CDK11A: variants seen among roughly 807,000 people sequenced by gnomAD.
CDK11A encodes the protein cyclin dependent kinase 11A, also known as cyclin-dependent kinase 11A.
Under a neutral mutation model 83.6 loss-of-function variants are expected in CDK11A, and 55 were observed. That is an observed-to-expected ratio of 0.66 (90% CI 0.53 to 0.82). CDK11A has a LOEUF of 0.82. Ranked by LOEUF, CDK11A falls within the 40% of genes least tolerant of loss-of-function variation. The pLI is 0.00. For synonymous variants in CDK11A, 247 were observed against 302.7 expected (o/e 0.82, Z 1.91); for missense variants, 564 against 810.1 (o/e 0.70, Z 3.69).
Position 1,721,122 on chromosome 1 carries a change from G to C in CDK11A, c.227+474C>G, listed in dbSNP as rs1644888737. ...GCAGGAGAATGGTGTGAACCAGGGA[G>C]GCGGAGCTTGCAGTGAGCCGAGATG... On this transcript the variant is annotated intron_variant, in intron 3 of 19. Transcript: ENST00000404249. Among the ~76,000 whole-genome samples, 4 of 150,600 alleles carry C rather than the reference G, an allele frequency of 2.7e-5. No homozygotes were observed. In the South Asian group the frequency reaches 8.4e-4, roughly 32 times the overall value.
In CDK11A at chr1:1,722,745, T is replaced by G; in HGVS notation, c.74A>C (p.Glu25Ala). Residue 25 changes from glutamate to alanine, a missense_variant, in exon 2 of 20, where the codon GAA becomes GCA. Physicochemically the swap from Glu to Ala is moderately radical, Grantham distance 107. Transcript: ENST00000404249. ...TTTTATCTCTGCTTTCTCCTCTTGT[T>G]CCTTCCTTCGTTTCTTTTCCTGAAG... ...EILQEKKRRK[E>A]QEEKAEIKRL... 1 of 1,513,052 alleles carries G rather than the reference T, an allele frequency of 6.6e-7. No homozygotes were observed. The highest frequency in any genetic ancestry group is 8.9e-7 in the Non-Finnish European group (1 of 1,128,818). The allele number at this position is 1,513,052 out of a possible 1,614,324, so 93.7% of individuals were successfully genotyped here.
chr1:1,703,905 G>C lies in CDK11A; in HGVS notation c.1830C>G (p.Gly610=). The C allele has an allele frequency of 1.2e-6, 2 of 1,609,668 alleles. No individual in the cohort carries two copies. Among genetic ancestry groups the C allele is most frequent in the Non-Finnish European group, 1.7e-6 (2 of 1,176,942 alleles). ...YSTAVDMWSV[G]CIFGELLTQK... is the part of the protein sequence containing the mutation. The stretch of plus-strand genomic sequence containing the variant: ...GAGTCAGCAGCTCCCCGAAGATGCA[G>C]CCCACTGACCACATGTCCACGGCCG... Residue 610 remains glycine, a synonymous_variant, in exon 17 of 20, where the codon GGC becomes GGG. Coordinates refer to ENST00000404249, the MANE Select transcript of CDK11A (RefSeq NM_024011.4).
At position 1,716,477 on chromosome 1, in the gene CDK11A, C is replaced by T. The variant is rs746108190; in HGVS notation, c.357G>A (p.Gly119=). 23 of 1,607,596 alleles carry T rather than the reference C, an allele frequency of 1.4e-5. 1 individual carries two copies. In the African/African-American group the frequency reaches 2.6e-4, roughly 18 times the overall value. Residue 119 remains glycine (G), a splice_region_variant and synonymous_variant, in exon 5 of 20, where the codon GGG becomes GGA. Coordinates refer to ENST00000404249, the MANE Select transcript of CDK11A (RefSeq NM_024011.4). ...CTCTTTCTTTCACTCTAGCATGCTT[C>T]CCTAATGAGAAATAAAGTGTCATGC... ...CRHHSHSAEG[G]KHARVKEREH...
At chr1:1,708,752 A>G (rs1644418400) in intron 9 of CDK11A, 42 bp downstream of exon 9, 2 of 1,541,244 alleles carry the variant, frequency 1.3e-6, no homozygotes, top group Admixed American at 2.0e-5. Context: ...CTAACACTAT[A>G]GTGAAGTCAC....
Position 1,719,342 on chromosome 1 carries a change from T to A in CDK11A, c.341A>T (p.His114Leu). ...KRKEKCRHHS[H>L]SAEGGKHARV... is the part of the protein sequence containing the mutation. ...TGCTTCTGTACCCCCTTCTGCTGAATGGCTATGATGCCTACATTTTTCTTT... is the reference window on the plus strand; with the variant it reads ...TGCTTCTGTACCCCCTTCTGCTGAAAGGCTATGATGCCTACATTTTTCTTT... The change falls in exon 4 of 20, where the codon CAT becomes CTT. Residue 114 changes from histidine to leucine, a missense_variant. Transcript: ENST00000404249. 6.6e-7 allele frequency: 1 copy of A among 1,525,720 alleles called. No individual in the cohort carries two copies. The highest frequency in any genetic ancestry group is 8.8e-7 in the Non-Finnish European group (1 of 1,141,492). The allele number at this position is 1,525,720 out of a possible 1,614,324, so 94.5% of individuals were successfully genotyped here.
intron 5 of CDK11A, among the ~76,000 whole-genome samples, chr1:1,715,736 T>G (rs1256337597): frequency 6.6e-6 from 1 of 151,200 alleles, no homozygotes; most frequent in Admixed American, 6.6e-5. Flanking sequence ...GTGGACTCAC[T>G]CTGAAGGCGG....
At position 1,706,707 on chromosome 1, in the gene CDK11A, C is replaced by T. The variant is rs1339825422; in HGVS notation, c.1245+702G>A. 5.3e-5 allele frequency among the ~76,000 whole-genome samples: 8 copies of T among 151,410 alleles called. 1 individual carries two copies. In the East Asian group the frequency reaches 9.8e-4, roughly 18 times the overall value. On this transcript the variant is annotated intron_variant, in intron 11 of 19. Coordinates refer to ENST00000404249, the MANE Select transcript of CDK11A (RefSeq NM_024011.4). Reference sequence around the variant, plus strand: ...TGTACCTTGGGGCCGGTGCCCAGGCCGGATGTCACGTACTCTGGGTGGCCT... The same window carrying T: ...TGTACCTTGGGGCCGGTGCCCAGGCTGGATGTCACGTACTCTGGGTGGCCT...
intron 11 of CDK11A, among the ~76,000 whole-genome samples, chr1:1,705,985 G>A (rs1644292314): frequency 1.3e-5 from 2 of 150,502 alleles, no homozygotes; most frequent in African/African-American, 2.4e-5. Flanking sequence ...GCTCAGGCCT[G>A]TAATTCCAGC....
rs1349405905 is a variant in CDK11A at position 1,717,056 on chromosome 1, G to A, written c.356-578C>T. ...CAGGCCTGGGCCACTGCACCCAGTC[G>A]AATAATCATGATTTTATGTTAAATA... On this transcript the variant is annotated intron_variant, in intron 4 of 19. Transcript: ENST00000404249. 7.8e-4 allele frequency among the ~76,000 whole-genome samples: 64 copies of A among 82,160 alleles called. 2 individuals are homozygous for A. The South Asian group carries it at 7.8e-3, about 10-fold the overall frequency. 53.9% of individuals were successfully genotyped at this position (82,160 alleles called of 152,430 possible). A position where few individuals can be genotyped will look rare whatever the true frequency, so the allele number is the denominator to read the frequency against.
At chr1:1,718,108 T>C (rs113184728) in intron 4 of CDK11A, among the ~76,000 whole-genome samples, 124 of 102,402 alleles carry the variant, frequency 1.2e-3, no homozygotes, top group South Asian at 4.1e-3. Flanking sequence ...AGTTTGCTCT[T>C]TCTGGTTTTC....
Position 1,704,216 on chromosome 1 carries a change from G to A in CDK11A, c.1686+7C>T. On this transcript the variant is annotated splice_region_variant and intron_variant, in intron 15 of 19. Transcript: ENST00000404249. ...CCCTGGGATGGGCCACTCGGAGGGG[G>A]GCTCACCTTGAGGATGCCGGCGTGG... 1 of 1,608,410 alleles carries A rather than the reference G, an allele frequency of 6.2e-7. No individual in the cohort carries two copies. Among genetic ancestry groups the A allele is most frequent in the East Asian group, 2.2e-5 (1 of 44,790 alleles).
chr1:1,716,919 CTTTT>C (rs758439009), intron 4 of CDK11A, among the ~76,000 whole-genome samples: 5 of 117,710 alleles, frequency 4.2e-5, no homozygotes, highest in Admixed American at 1.8e-4. Context: ...TAATCCTAAT[CTTTT>C]TTTTTTTTTT....
At position 1,721,898 on chromosome 1, in the gene CDK11A, T is replaced by A. The variant is rs1443658352; in HGVS notation, c.112-187A>T. 11 of 657,604 alleles carry A rather than the reference T, an allele frequency of 1.7e-5. 1 individual carries two copies. The East Asian group carries it at 3.9e-4, about 23-fold the overall frequency. 40.7% of individuals were successfully genotyped at this position (657,604 alleles called of 1,614,324 possible). A position where few individuals can be genotyped will look rare whatever the true frequency, so the allele number is the denominator to read the frequency against. On this transcript the variant is annotated intron_variant, in intron 2 of 19. Coordinates refer to ENST00000404249, the MANE Select transcript of CDK11A (RefSeq NM_024011.4). ...AGGTGCAGTGGCTCACGCTTGTTAA[T>A]CCCAGCACTTTGGGAGGCCGAGGCG...
intron 4 of CDK11A, among the ~76,000 whole-genome samples, chr1:1,717,035 C>G (rs1363231780): frequency 1.4e-5 from 2 of 142,672 alleles, no homozygotes; most frequent in Admixed American, 7.2e-5. Context: ...GGATTACAGG[C>G]CTGGGCCACT....
At chr1:1,715,869 G>T (rs915960092) in intron 5 of CDK11A, among the ~76,000 whole-genome samples, 75 of 150,956 alleles carry the variant, frequency 5.0e-4, no homozygotes, top group African/African-American at 1.8e-3. Flanking sequence ...ACAGACTAAT[G>T]GCCAGGAGTC....
At chr1:1,721,101 G>C (rs1476844062) in intron 3 of CDK11A, among the ~76,000 whole-genome samples, 1 of 150,756 alleles carries the variant, frequency 6.6e-6, no homozygotes, top group South Asian at 2.1e-4. Context: ...GCTGAGGCAG[G>C]AGAATGGTGT....
intron 3 of CDK11A, 91 bp from the exon 4 acceptor site, chr1:1,719,546 C>A (rs1156877417): frequency 2.8e-6 from 3 of 1,064,390 alleles, no homozygotes; most frequent in Non-Finnish European, 3.8e-6. Context: ...CAGAAAAATG[C>A]ATGATTCAGA....
chr1:1,704,800 C>T, intron 13 of CDK11A, 104 bp downstream of exon 13: 1 of 1,597,188 alleles, frequency 6.3e-7, no homozygotes, highest in Non-Finnish European at 8.6e-7. Context: ...TGAAGGGCTC[C>T]ACTAAGTGCA....
At chr1:1,720,103 T>C (rs1644849101) in intron 3 of CDK11A, among the ~76,000 whole-genome samples, 1 of 150,672 alleles carries the variant, frequency 6.6e-6, no homozygotes, top group Admixed American at 6.6e-5. Flanking sequence ...TATTTATTTA[T>C]TTTATTTGAG....
Sources: gnomAD v4.1 joint callset for allele counts (sites outside exome capture counted in the v4.1 genomes callset) on GRCh38, gnomAD v4.1.1 for gene constraint, MANE v1.5 for transcripts, NCBI Gene and HGNC (gene_info 2026-07-23, HGNC 2026-07-21) for gene names.